Variants in SLC16A2 observed in about 807,000 individuals in gnomAD.
SLC16A2 encodes the protein monocarboxylate transporter 8.
A neutral mutation model predicts 27.2 loss-of-function variants in SLC16A2; 3 were observed. The observed-to-expected ratio is 0.11, with a 90% CI of 0.05 to 0.28. The LOEUF is 0.28. Ranked by LOEUF, SLC16A2 falls within the 10% of genes least tolerant of loss-of-function variation. The pLI is 1.00. For synonymous variants in SLC16A2, 202 were observed against 187.8 expected (o/e 1.08, Z -0.62); for missense variants, 295 against 458.5 (o/e 0.64, Z 3.26).
chrX:74,438,426 T>C (rs187798439), intron 1 of SLC16A2, among the ~76,000 whole-genome samples: 1 of 113,346 alleles, frequency 8.8e-6, no homozygotes, highest in East Asian at 2.8e-4. Context: ...GCCAGATTGA[T>C]ATACCACCCA....
intron 1 of SLC16A2, among the ~76,000 whole-genome samples, chrX:74,451,022 C>T (rs1569286842): frequency 8.9e-6 from 1 of 111,982 alleles, no homozygotes; most frequent in Non-Finnish European, 1.9e-5. Flanking sequence ...CCCTTTTTGT[C>T]TCTCTGAATT....
chrX:74,428,844 T>A (rs765410983), intron 1 of SLC16A2, among the ~76,000 whole-genome samples: 1 of 112,073 alleles, frequency 8.9e-6, no homozygotes, highest in Non-Finnish European at 1.9e-5. Flanking sequence ...ATTCAACAAA[T>A]GTCGTCATTA....
At chrX:74,448,508 G>A (rs1200118896) in intron 1 of SLC16A2, among the ~76,000 whole-genome samples, 1 of 109,990 alleles carries the variant, frequency 9.1e-6, no homozygotes, top group Non-Finnish European at 1.9e-5. Flanking sequence ...AGAACTGTGA[G>A]TACTTTGATG....
intron 2 of SLC16A2, among the ~76,000 whole-genome samples, chrX:74,521,831 C>G (rs2147869756): frequency 8.9e-6 from 1 of 112,305 alleles, no homozygotes; most frequent in African/African-American, 3.2e-5. Context: ...AGCTACCCAG[C>G]TAGGCCTGGG....
At chrX:74,423,651 C>T (rs1221497761) in intron 1 of SLC16A2, among the ~76,000 whole-genome samples, 1 of 112,019 alleles carries the variant, frequency 8.9e-6, no homozygotes, top group South Asian at 3.7e-4. Flanking sequence ...CAGTGTAGAG[C>T]AACTTCTGCG....
rs756673939 is a variant in SLC16A2, at chrX:74,469,776, C to T, written c.430+47709C>T. ...GCATGCACAGCACCTCCACTATTAA[C>T]TCCTTCACCAGAATAGTACTTTTAT... On this transcript the variant is annotated intron_variant, in intron 1 of 5. Transcript: ENST00000587091. Among the ~76,000 whole-genome samples the T allele has an allele frequency of 4.5e-5, 5 of 111,269 alleles. No individual in the cohort carries two copies. In the Admixed American group the frequency reaches 4.8e-4, roughly 11 times the overall value.
At chrX:74,440,771 G>A (rs1397273890) in intron 1 of SLC16A2, among the ~76,000 whole-genome samples, 1 of 105,170 alleles carries the variant, frequency 9.5e-6, no homozygotes, top group African/African-American at 3.5e-5. Context: ...GTGTGTGGAC[G>A]TGAACACGGA....
intron 1 of SLC16A2, among the ~76,000 whole-genome samples, chrX:74,502,102 A>G (rs1167818529): frequency 8.9e-6 from 1 of 111,923 alleles, no homozygotes; most frequent in African/African-American, 3.3e-5. Context: ...ACAGTGTGTT[A>G]CTTTAGGCTC....
chrX:74,492,758 A>T (rs1486876911), intron 1 of SLC16A2, among the ~76,000 whole-genome samples: 1 of 111,308 alleles, frequency 9.0e-6, no homozygotes, highest in African/African-American at 3.3e-5. Context: ...ACGTCCAGCT[A>T]AGCCTGGGGG....
In SLC16A2 at chrX:74,421,754, C is replaced by A; in HGVS notation, c.117C>A (p.Pro39=). 3.5e-6 allele frequency: 4 copies of A among 1,143,141 alleles called. No homozygotes were observed. The highest frequency in any genetic ancestry group is 4.7e-6 in the Non-Finnish European group (4 of 857,004). 94.2% of individuals were successfully genotyped at this position (1,143,141 alleles called of 1,213,427 possible). A position where few individuals can be genotyped will look rare whatever the true frequency, so the allele number is the denominator to read the frequency against. The change falls in exon 1 of 6, where the codon CCC becomes CCA. Residue 39 remains proline, a synonymous_variant. Coordinates refer to ENST00000587091, the MANE Select transcript of SLC16A2 (RefSeq NM_006517.5). ...PEPESEPEPE[P]EPEPVPVPPP... ...CGGAGTCTGAGCCGGAGCCTGAGCC[C>A]GAGCCCGAGCCCGTGCCAGTGCCCC...
intron 1 of SLC16A2, among the ~76,000 whole-genome samples, chrX:74,428,229 C>G (rs762063878): frequency 1.8e-5 from 2 of 111,316 alleles, no homozygotes; most frequent in South Asian, 3.8e-4. Flanking sequence ...CTGCCTGAAG[C>G]TGGGTGCTAT....
At chrX:74,468,534 G>A (rs1362415127) in intron 1 of SLC16A2, among the ~76,000 whole-genome samples, 3 of 111,930 alleles carry the variant, frequency 2.7e-5, no homozygotes, top group African/African-American at 9.7e-5. Flanking sequence ...GGACATTTCA[G>A]TTGTTTCTAC....
intron 1 of SLC16A2, among the ~76,000 whole-genome samples, chrX:74,484,167 C>T (rs1374701983): frequency 8.9e-6 from 1 of 112,054 alleles, no homozygotes; most frequent in Admixed American, 9.4e-5. Flanking sequence ...ATATGAGTGA[C>T]CACGGCCCAT....
chrX:74,473,261 AACC>A (rs1181898430), intron 1 of SLC16A2: 24 of 682,404 alleles, frequency 3.5e-5, no homozygotes, highest in Non-Finnish European at 4.9e-5. Context: ...CCGCCACCAT[AACC>A]ACCACCACCA....
At chrX:74,488,452 T>C (rs1287630707) in intron 1 of SLC16A2, among the ~76,000 whole-genome samples, 2 of 111,894 alleles carry the variant, frequency 1.8e-5, no homozygotes, top group Non-Finnish European at 3.8e-5. Flanking sequence ...TAAAAATTTA[T>C]TGCATTAAGA....
chrX:74,424,271 G>A (rs1011911123), intron 1 of SLC16A2, among the ~76,000 whole-genome samples: 115 of 111,225 alleles, frequency 1.0e-3, no homozygotes, highest in Admixed American at 3.5e-3. Context: ...CTTTGGCTTG[G>A]GTCCTTGCTG....
rs369637695 is a variant in SLC16A2, at chrX:74,500,934, A to G, written c.431-20056A>G. 5.5e-5 allele frequency among the ~76,000 whole-genome samples: 6 copies of G among 110,054 alleles called. No homozygotes were observed. In the East Asian group the frequency reaches 1.2e-3, roughly 21 times the overall value. Reference sequence around the variant, plus strand: ...TTATTAAAATTAAAAGTCCTTCTCAAAATTAGCATGGTACATATAATAAAA... The same window carrying G: ...TTATTAAAATTAAAAGTCCTTCTCAGAATTAGCATGGTACATATAATAAAA... On this transcript the variant is annotated intron_variant, in intron 1 of 5. Transcript: ENST00000587091.
chrX:74,521,947 C>A (rs1930414431), intron 2 of SLC16A2, among the ~76,000 whole-genome samples: 1 of 112,006 alleles, frequency 8.9e-6, no homozygotes, highest in Non-Finnish European at 1.9e-5. Context: ...GCCAGCCCTG[C>A]AGAAGAATGT....
intron 1 of SLC16A2, among the ~76,000 whole-genome samples, chrX:74,464,851 T>G (rs187229399): frequency 1.2e-3 from 134 of 111,386 alleles, no homozygotes; most frequent in African/African-American, 4.2e-3. Flanking sequence ...AGATCTCATC[T>G]CTACAAAACA....
Sources: allele counts gnomAD v4.1 joint callset (sites outside exome capture counted in the v4.1 genomes callset), GRCh38; gene constraint gnomAD v4.1.1; transcripts MANE v1.5; gene names NCBI Gene and HGNC (gene_info 2026-07-23, HGNC 2026-07-21).